XPA: variants seen among roughly 807,000 people sequenced by gnomAD.
The protein encoded by XPA is DNA repair protein complementing XP-A cells.
A neutral mutation model predicts 35.7 loss-of-function variants in XPA; 27 were observed. That is an observed-to-expected ratio of 0.76 (90% CI 0.56 to 1.04). XPA has a LOEUF of 1.04. Ranked by LOEUF, XPA falls within the 50% of genes least tolerant of loss-of-function variation. XPA has a pLI of 0.00. For synonymous variants in XPA, 133 were observed against 118.4 expected (o/e 1.12, Z -0.80); for missense variants, 354 against 342.7 (o/e 1.03, Z -0.26).
chr9:97,683,245 C>T (rs530943435), intron 5 of XPA, among the ~76,000 whole-genome samples: 24 of 152,302 alleles, frequency 1.6e-4, no homozygotes, highest in Admixed American at 1.4e-3. Context: ...CTCCCTTTCG[C>T]ACCTCTTAAA....
At chr9:97,663,901 AG>A in the XPA span, among the ~76,000 whole-genome samples, 3 of 151,884 alleles carry the variant, frequency 2.0e-5, no homozygotes, top group East Asian at 5.8e-4. Flanking sequence ...TGATCAGGCC[AG>A]GCGTGGTGGC....
At chr9:97,681,692 T>C (rs1460485612) in intron 5 of XPA, among the ~76,000 whole-genome samples, 1 of 152,180 alleles carries the variant, frequency 6.6e-6, no homozygotes, top group Non-Finnish European at 1.5e-5. Context: ...AGCTGAACGT[T>C]CCCATCTAAT....
the XPA span, chr9:97,666,805 G>A: frequency 6.2e-7 from 1 of 1,609,668 alleles, no homozygotes; most frequent in Non-Finnish European, 8.5e-7. Flanking sequence ...TTCGTAAGAT[G>A]AACAAACATG....
downstream of XPA, chr9:97,671,433 C>T: frequency 2.4e-6 from 1 of 413,642 alleles, no homozygotes; most frequent in Non-Finnish European, 4.3e-6. Flanking sequence ...GTGACAGATA[C>T]AAATTCTCTG....
the XPA span, among the ~76,000 whole-genome samples, chr9:97,668,465 G>T: frequency 1.3e-5 from 2 of 152,132 alleles, no homozygotes; most frequent in South Asian, 4.1e-4. Context: ...AGCAGCCTTG[G>T]CCCATAGGAC....
chr9:97,668,480 C>A, the XPA span, among the ~76,000 whole-genome samples: 5 of 152,066 alleles, frequency 3.3e-5, no homozygotes, highest in African/African-American at 1.2e-4. Flanking sequence ...TAGGACTTGC[C>A]CAGTTTTTCT....
At chr9:97,693,540 C>T (rs1045936436) in intron 2 of XPA, 109 bp downstream of exon 2, 1 of 954,448 alleles carries the variant, frequency 1.0e-6, no homozygotes, top group African/African-American at 1.6e-5. Flanking sequence ...AGATAATGTA[C>T]TCACTGATTA....
Position 97,675,442 on chromosome 9 carries a change from C to A in XPA, c.819G>T (p.Met273Ile). The A allele has an allele frequency of 6.2e-7, 1 of 1,612,772 alleles. No homozygotes were observed. Among genetic ancestry groups the A allele is most frequent in the Admixed American group, 1.7e-5 (1 of 59,900 alleles). The change falls in exon 6 of 6, where the codon ATG becomes ATT. Residue 273 changes from methionine to isoleucine, a missense_variant. Physicochemically the swap from Met to Ile is conservative, Grantham distance 10. Coordinates refer to ENST00000375128, the MANE Select transcript of XPA (RefSeq NM_000380.4). ...MCGHELTYEK[M>I] ...AACAGGTCACTGAACTAAAAAATCA[C>A]ATTTTTTCATATGTCAGTTCATGGC...
chr9:97,674,141 C>CT (rs1828280059), downstream of XPA, among the ~76,000 whole-genome samples: 7 of 151,148 alleles, frequency 4.6e-5, no homozygotes, highest in Admixed American at 4.6e-4. Flanking sequence ...TCCTTCCCCG[C>CT]CCCCATAATG....
intron 2 of XPA, among the ~76,000 whole-genome samples, chr9:97,691,816 G>A (rs949373041): frequency 2.0e-5 from 3 of 151,080 alleles, no homozygotes; most frequent in Non-Finnish European, 4.4e-5. Flanking sequence ...CCAGGAGGTG[G>A]AGGTTGCAGT....
Position 97,675,140 on chromosome 9 carries a change from T to C in XPA, c.*299A>G, listed in dbSNP as rs1447722957. 1 of 564,734 alleles carries C rather than the reference T, an allele frequency of 1.8e-6. No individual in the cohort carries two copies. The highest frequency in any genetic ancestry group is 2.2e-5 in the Admixed American group (1 of 45,922). The allele number at this position is 564,734 out of a possible 1,614,324, so 35.0% of individuals were successfully genotyped here. A position where few individuals can be genotyped will look rare whatever the true frequency, so the allele number is the denominator to read the frequency against. On this transcript the variant is annotated 3_prime_UTR_variant, in exon 6 of 6. Transcript: ENST00000375128. Reference sequence around the variant, plus strand: ...CCAATCTAGGGTTTGCCTTGGTATCTTGTCCTCAAATTTGTAGCTGACCTA... The same window carrying C: ...CCAATCTAGGGTTTGCCTTGGTATCCTGTCCTCAAATTTGTAGCTGACCTA...
chr9:97,665,528 C>T, the XPA span, among the ~76,000 whole-genome samples: 145 of 152,318 alleles, frequency 9.5e-4, 3 homozygotes, highest in East Asian at 0.026. Context: ...TAACACCTAG[C>T]TCAAATATTT....
chr9:97,688,127 C>T (rs1828777464), intron 3 of XPA, among the ~76,000 whole-genome samples: 1 of 152,198 alleles, frequency 6.6e-6, no homozygotes, highest in South Asian at 2.1e-4. Context: ...GAATGGAGGA[C>T]TGTGTTCCTG....
chr9:97,671,082 A>G (rs374304148), downstream of XPA: 12 of 1,593,368 alleles, frequency 7.5e-6, no homozygotes, highest in African/African-American at 1.3e-5. Flanking sequence ...TTGTGTGTCC[A>G]CAGCATCACC....
chr9:97,690,304 G>A (rs1423676918), intron 2 of XPA, among the ~76,000 whole-genome samples: 1 of 152,178 alleles, frequency 6.6e-6, no homozygotes, highest in Non-Finnish European at 1.5e-5. Flanking sequence ...TCCACCTCTC[G>A]GGTTCAAGCG....
intron 1 of XPA, among the ~76,000 whole-genome samples, chr9:97,695,454 GA>G (rs1829014162): frequency 6.6e-6 from 1 of 152,194 alleles, no homozygotes; most frequent in Non-Finnish European, 1.5e-5. Context: ...TGGATGGATA[GA>G]AATGAATGAA....
intron 2 of XPA, among the ~76,000 whole-genome samples, chr9:97,692,068 G>A (rs1419126325): frequency 6.6e-6 from 1 of 151,896 alleles, no homozygotes; most frequent in Non-Finnish European, 1.5e-5. Flanking sequence ...CGAGGAGGGT[G>A]GATCACCTGA....
chr9:97,657,926 A>AT, the XPA span, among the ~76,000 whole-genome samples: 5,247 of 91,482 alleles, frequency 0.057, 202 homozygotes, highest in East Asian at 0.13. Flanking sequence ...ATATATATAT[A>AT]TTTTTTTTTT....
At chr9:97,664,139 A>T in the XPA span, among the ~76,000 whole-genome samples, 1 of 151,908 alleles carries the variant, frequency 6.6e-6, no homozygotes, top group Admixed American at 6.5e-5. Flanking sequence ...AGATCGTGCC[A>T]CTCCACTCCC....
Sources: gnomAD v4.1 joint callset for allele counts (sites outside exome capture counted in the v4.1 genomes callset) on GRCh38, gnomAD v4.1.1 for gene constraint, MANE v1.5 for transcripts, NCBI Gene and HGNC (gene_info 2026-07-23, HGNC 2026-07-21) for gene names.